CERKL: variants seen among roughly 807,000 people sequenced by gnomAD.
CERKL encodes CERK like autophagy regulator.
A neutral mutation model predicts 63.4 loss-of-function variants in CERKL; 61 were observed. That is an observed-to-expected ratio of 0.96 (90% CI 0.78 to 1.19). The LOEUF (loss-of-function observed/expected upper bound fraction) is 1.19, where lower values mean the gene tolerates loss of function less well. Among genes scored for constraint, CERKL ranks in the 50% most tolerant of loss-of-function variants. The probability of loss-of-function intolerance (pLI) is 0.00; values close to 1 mark genes in which losing one functional copy is unlikely to be tolerated. For missense variants in CERKL, 675 were observed against 655.5 expected, an observed-to-expected ratio of 1.03 and a Z score of -0.33; for synonymous variants, 250 against 230.5, an observed-to-expected ratio of 1.08 and a Z score of -0.77.
At chr2:181,582,996 GA>G (rs1684595711) in intron 2 of CERKL, among the ~76,000 whole-genome samples, 1 of 152,110 alleles carries the variant, frequency 6.6e-6, no homozygotes. Flanking sequence ...GCTCAAGTCA[GA>G]AACTTTAGTG....
chr2:181,564,075 C>G (rs1688560531), intron 4 of CERKL, among the ~76,000 whole-genome samples: 1 of 152,074 alleles, frequency 6.6e-6, no homozygotes, highest in African/African-American at 2.4e-5. Context: ...ACCTAGATCC[C>G]TCGCATGACC....
In CERKL at chr2:181,544,781, AC is replaced by A. The variant is rs781662259; in HGVS notation, c.1283del (p.Ser428IlefsTer5). On this transcript the variant is annotated frameshift_variant, in exon 11 of 13. Transcript: ENST00000410087. LOFTEE classifies it high-confidence loss of function. ...TGTTTCGGGCAATTATAAGAGCCAT[AC>A]TTCCATTATTTAATCTGAAATTAAA... ...LAPNTRLNNG[S>X]MALIIARNTS... 1 of 1,598,310 alleles carries A rather than the reference AC, an allele frequency of 6.3e-7. No individual in the cohort carries two copies. The highest frequency in any genetic ancestry group is 8.6e-7 in the Non-Finnish European group (1 of 1,168,260).
intron 4 of CERKL, among the ~76,000 whole-genome samples, chr2:181,559,201 G>C (rs953304525): frequency 4.6e-5 from 7 of 152,070 alleles, no homozygotes; most frequent in African/African-American, 1.7e-4. Flanking sequence ...TATGAATGTA[G>C]TAATTACAAA....
chr2:181,591,999 T>C (rs1423762483), intron 2 of CERKL, among the ~76,000 whole-genome samples: 2 of 152,152 alleles, frequency 1.3e-5, no homozygotes, highest in Admixed American at 1.3e-4. Flanking sequence ...GCCAAATTGA[T>C]GGAAACAGGT....
At chr2:181,622,234 A>G (rs1211729695) in intron 1 of CERKL, among the ~76,000 whole-genome samples, 1 of 152,234 alleles carries the variant, frequency 6.6e-6, no homozygotes, top group Non-Finnish European at 1.5e-5. Context: ...AAGTAGCCAT[A>G]AAGTGACTCC....
At chr2:181,596,825 A>G (rs1685231450) in intron 2 of CERKL, among the ~76,000 whole-genome samples, 7 of 152,198 alleles carry the variant, frequency 4.6e-5, no homozygotes. Flanking sequence ...AAGAAAGCCC[A>G]TGCCTGGAAC....
At chr2:181,600,303 T>C (rs1685403318) in intron 2 of CERKL, among the ~76,000 whole-genome samples, 1 of 152,146 alleles carries the variant, frequency 6.6e-6, no homozygotes, top group Non-Finnish European at 1.5e-5. Flanking sequence ...CAATTCAAAC[T>C]AGAAAGCAAC....
intron 1 of CERKL, among the ~76,000 whole-genome samples, chr2:181,654,259 T>C (rs1302655098): frequency 6.6e-6 from 1 of 151,744 alleles, no homozygotes; most frequent in Non-Finnish European, 1.5e-5. Flanking sequence ...GGAAGGGTAA[T>C]AACACATCCA....
At position 181,656,875 on chromosome 2, in the gene CERKL, C is replaced by G. The variant is rs727503857; in HGVS notation, c.132G>C (p.Glu44Asp). Residue 44 changes from glutamate (E) to aspartate (D), a missense_variant, in exon 1 of 13, where the codon GAG becomes GAC. Transcript: ENST00000410087. ...CGAAGATGCCCCGGAGCAGAATCCG[C>G]TCGGCCGCCGCCTCCGTCTGCTGCG... ...TSPQQTEAAAERILLRGIFEI... is the reference protein window; with the variant it reads ...TSPQQTEAAADRILLRGIFEI... 291 of 1,605,582 alleles carry G rather than the reference C, an allele frequency of 1.8e-4. 3 individuals carry two copies. In the South Asian group the frequency reaches 2.5e-3, roughly 14 times the overall value.
intron 1 of CERKL, among the ~76,000 whole-genome samples, chr2:181,606,020 G>A (rs1354272422): frequency 6.7e-6 from 1 of 150,044 alleles, no homozygotes; most frequent in Non-Finnish European, 1.5e-5. Flanking sequence ...AAGAAAGCAT[G>A]GAAGGAATGA....
intron 6 of CERKL, 69 bp from the exon 7 acceptor site, chr2:181,548,926 G>C: frequency 2.1e-6 from 3 of 1,413,070 alleles, no homozygotes; most frequent in East Asian, 2.3e-5. Context: ...AAACATAAGA[G>C]AGCATATTTA....
chr2:181,577,219 A>G (rs1385336877), intron 2 of CERKL, among the ~76,000 whole-genome samples: 1 of 152,232 alleles, frequency 6.6e-6, no homozygotes, highest in Non-Finnish European at 1.5e-5. Flanking sequence ...TAACATTTTA[A>G]TAGGAGTAAT....
At chr2:181,635,323 C>G (rs919670244) in intron 1 of CERKL, among the ~76,000 whole-genome samples, 3 of 151,822 alleles carry the variant, frequency 2.0e-5, no homozygotes, top group African/African-American at 7.3e-5. Flanking sequence ...ATGAAAAATG[C>G]TAAATTTAAA....
chr2:181,537,712 T>C lies in CERKL; in HGVS notation c.*472A>G. 1 of 389,478 alleles carries C rather than the reference T, an allele frequency of 2.6e-6. No individual in the cohort carries two copies. The highest frequency in any genetic ancestry group is 5.0e-6 in the Non-Finnish European group (1 of 201,022). The allele number at this position is 389,478 out of a possible 1,614,324, so 24.1% of individuals were successfully genotyped here. ...TGATGTATTATGATGGTTGCAAAGT[T>C]TTTTTGTGTGTCCAATAAACACATT... On this transcript the variant is annotated 3_prime_UTR_variant, in exon 13 of 13. Transcript: ENST00000410087.
chr2:181,609,525 G>A (rs919562688), intron 1 of CERKL, among the ~76,000 whole-genome samples: 26 of 51,442 alleles, frequency 5.1e-4, no homozygotes, highest in African/African-American at 2.0e-3. Flanking sequence ...GTGAAACCCT[G>A]TCTCTACTAA....
chr2:181,554,536 C>T (rs1285273481), intron 5 of CERKL, among the ~76,000 whole-genome samples: 1 of 151,942 alleles, frequency 6.6e-6, no homozygotes, highest in African/African-American at 2.4e-5. Flanking sequence ...ATTTTTATGT[C>T]CTCTCAGGCT....
At chr2:181,549,392 TA>T (rs762726517) in intron 6 of CERKL, among the ~76,000 whole-genome samples, 9 of 152,198 alleles carry the variant, frequency 5.9e-5, no homozygotes, top group South Asian at 2.1e-4. Flanking sequence ...CACACTACAA[TA>T]TTTTTTTTCT....
chr2:181,635,348 T>G (rs1437009308), intron 1 of CERKL, among the ~76,000 whole-genome samples: 1 of 152,132 alleles, frequency 6.6e-6, no homozygotes. Flanking sequence ...AAAAATAACT[T>G]TTAGAGAAAT....
chr2:181,562,151 A>G (rs1688476528), intron 4 of CERKL, among the ~76,000 whole-genome samples: 1 of 152,104 alleles, frequency 6.6e-6, no homozygotes, highest in Non-Finnish European at 1.5e-5. Context: ...TCTTAACTCA[A>G]GCATTTCTTT....
Sources: allele counts gnomAD v4.1 joint callset (sites outside exome capture counted in the v4.1 genomes callset), GRCh38; gene constraint gnomAD v4.1.1; transcripts MANE v1.5; gene names NCBI Gene and HGNC (gene_info 2026-07-23, HGNC 2026-07-21).